Variants in ASH1L observed in about 807,000 individuals in gnomAD.
ASH1L encodes histone-lysine N-methyltransferase ASH1L.
Under a neutral mutation model 269.0 loss-of-function variants are expected in ASH1L, and 23 were observed. The ratio of observed to expected loss-of-function variants is 0.09; its 90% CI spans 0.06 to 0.12. The LOEUF is 0.12. ASH1L is among the 10% of genes least tolerant of loss of function. ASH1L has a pLI of 1.00. For missense variants in ASH1L, 2,912 were observed against 3,567.8 expected (o/e 0.82, Z 4.68); for synonymous variants, 1,187 against 1,253.5 (o/e 0.95, Z 1.12).
intron 1 of ASH1L, among the ~76,000 whole-genome samples, chr1:155,560,074 CA>C (rs1385984663): frequency 2.0e-5 from 3 of 152,162 alleles, no homozygotes; most frequent in Non-Finnish European, 2.9e-5. Flanking sequence ...CTCCTGTCAA[CA>C]TGTTCAAATA....
At chr1:155,474,048 G>A (rs189896924) in intron 3 of ASH1L, among the ~76,000 whole-genome samples, 45 of 152,176 alleles carry the variant, frequency 3.0e-4, no homozygotes, top group Non-Finnish European at 1.0e-4. Flanking sequence ...TGGCCAGGCT[G>A]GTTTCGAACT....
At chr1:155,546,320 G>A (rs1247834414) in intron 1 of ASH1L, among the ~76,000 whole-genome samples, 2 of 150,474 alleles carry the variant, frequency 1.3e-5, no homozygotes, top group African/African-American at 4.9e-5. Flanking sequence ...AACAAAGCGA[G>A]ACTCTGACTC....
intron 4 of ASH1L, among the ~76,000 whole-genome samples, chr1:155,443,859 GTT>G (rs1662787449): frequency 6.6e-6 from 1 of 151,274 alleles, no homozygotes; most frequent in African/African-American, 2.4e-5. Context: ...GGAAATCTGC[GTT>G]GTTTCCAGTT....
chr1:155,403,625 TC>T (rs1659034268), intron 6 of ASH1L, among the ~76,000 whole-genome samples: 1 of 152,160 alleles, frequency 6.6e-6, no homozygotes, highest in African/African-American at 2.4e-5. Context: ...GTATTAACTT[TC>T]TTTTTACTTC....
intron 2 of ASH1L, among the ~76,000 whole-genome samples, chr1:155,496,348 A>C (rs1293348290): frequency 3.9e-5 from 6 of 152,254 alleles, no homozygotes; most frequent in African/African-American, 7.2e-5. Flanking sequence ...TCATTGATCC[A>C]AACATGATTA....
At chr1:155,517,057 A>G (rs1668543255) in intron 2 of ASH1L, among the ~76,000 whole-genome samples, 1 of 152,336 alleles carries the variant, frequency 6.6e-6, no homozygotes, top group Admixed American at 6.5e-5. Context: ...TGTAATTTCT[A>G]TCAAAATCCC....
Position 155,406,272 on chromosome 1 carries a change from T to A in ASH1L, c.6008+9472A>T, listed in dbSNP as rs113227727. On this transcript the variant is annotated intron_variant, in intron 6 of 27. Transcript: ENST00000392403. ...ATCTAGAGTCTGTGAAGATTCCAGTTGCATTTTTTGCAGAAATAGATAAGC... is the reference window on the plus strand; with the variant it reads ...ATCTAGAGTCTGTGAAGATTCCAGTAGCATTTTTTGCAGAAATAGATAAGC... Among the ~76,000 whole-genome samples, 22 of 151,398 alleles carry A rather than the reference T, an allele frequency of 1.5e-4. 1 individual carries two copies. Among genetic ancestry groups the A allele is most frequent in the African/African-American group, 3.9e-4 (16 of 41,278 alleles).
intron 6 of ASH1L, among the ~76,000 whole-genome samples, chr1:155,398,945 C>CT (rs1658597176): frequency 6.6e-6 from 1 of 152,100 alleles, no homozygotes; most frequent in South Asian, 2.1e-4. Flanking sequence ...GTTGCCCAGG[C>CT]TGGTCTTCAA....
intron 19 of ASH1L, among the ~76,000 whole-genome samples, chr1:155,348,609 C>A (rs1265211888): frequency 6.6e-6 from 1 of 152,070 alleles, no homozygotes; most frequent in East Asian, 1.9e-4. Flanking sequence ...TGGCCAGGAG[C>A]CGTGGCTCAC....
chr1:155,537,221 A>T (rs1441552684), intron 1 of ASH1L, among the ~76,000 whole-genome samples: 1 of 152,210 alleles, frequency 6.6e-6, no homozygotes, highest in African/African-American at 2.4e-5. Flanking sequence ...AAGGGATTAA[A>T]TATTACAATG....
intron 3 of ASH1L, among the ~76,000 whole-genome samples, chr1:155,473,858 C>G (rs1478152363): frequency 6.6e-6 from 1 of 151,528 alleles, no homozygotes; most frequent in Non-Finnish European, 1.5e-5. Context: ...TTTTTTGAGA[C>G]AGACTCTCAC....
In ASH1L at chr1:155,479,601, G is replaced by T; in HGVS notation, c.3269C>A (p.Pro1090His). The T allele has an allele frequency of 6.2e-7, 1 of 1,614,178 alleles. No individual in the cohort carries two copies. Among genetic ancestry groups the T allele is most frequent in the Non-Finnish European group, 8.5e-7 (1 of 1,180,034 alleles). ...AAGSALGQIL[P>H]PLLPSSASSS... ...ACTAGCAGATGAAGGCAGTAATGGG[G>T]GAAGAATCTGTCCTAATGCTGACCC... Residue 1090 changes from proline (P) to histidine (H), a missense_variant, in exon 3 of 28, where the codon CCC (proline) becomes CAC (histidine). Pro to His is a moderately conservative substitution (Grantham distance 77). Coordinates refer to ENST00000392403, the MANE Select transcript of ASH1L (RefSeq NM_018489.3).
At chr1:155,473,781 T>G (rs1665306682) in intron 3 of ASH1L, among the ~76,000 whole-genome samples, 1 of 152,160 alleles carries the variant, frequency 6.6e-6, no homozygotes, top group Non-Finnish European at 1.5e-5. Flanking sequence ...ATTACAGGCA[T>G]TAGCCACCAT....
chr1:155,536,513 G>T (rs1356591497), intron 1 of ASH1L, among the ~76,000 whole-genome samples: 1 of 152,114 alleles, frequency 6.6e-6, no homozygotes, highest in Non-Finnish European at 1.5e-5. Flanking sequence ...AAATCTGTCA[G>T]CTTTACCTTC....
chr1:155,506,758 C>A (rs1316643302), intron 2 of ASH1L, among the ~76,000 whole-genome samples: 1 of 151,800 alleles, frequency 6.6e-6, no homozygotes, highest in Non-Finnish European at 1.5e-5. Context: ...ATTTTAAATT[C>A]CAGGACAGGC....
intron 21 of ASH1L, chr1:155,344,506 G>C (rs1363022731): frequency 2.5e-6 from 1 of 404,830 alleles, no homozygotes; most frequent in East Asian, 4.2e-5. Flanking sequence ...TAATTGTGTA[G>C]TTGCTCTACG....
intron 2 of ASH1L, among the ~76,000 whole-genome samples, chr1:155,519,067 T>C (rs955884991): frequency 1.3e-5 from 2 of 152,162 alleles, no homozygotes; most frequent in African/African-American, 2.4e-5. Flanking sequence ...TATGGCAACA[T>C]TCACTGTAGC....
chr1:155,438,775 G>A lies in ASH1L; in HGVS notation c.5380C>T (p.His1794Tyr), dbSNP rs773662870. 1 of 1,614,040 alleles carries A rather than the reference G, an allele frequency of 6.2e-7. No individual in the cohort carries two copies. Among genetic ancestry groups the A allele is most frequent in the African/African-American group, 1.3e-5 (1 of 74,900 alleles). The change falls in exon 5 of 28, where the codon CAT becomes TAT. Residue 1794 changes from histidine to tyrosine, a missense_variant. Physicochemically the swap from His to Tyr is moderately conservative, Grantham distance 83. Coordinates refer to ENST00000392403, the MANE Select transcript of ASH1L (RefSeq NM_018489.3). Reference protein sequence around the residue: ...EKLTSSCSPHHIKRSVVEAMQ... With the variant: ...EKLTSSCSPHYIKRSVVEAMQ... ...GCTTCCACTACACTTCTCTTGATAT[G>A]ATGGGGGGAACAGCTGCTTGTCAAC...
At chr1:155,344,421 T>G in intron 21 of ASH1L, 148 bp from the exon 22 acceptor site, 1 of 593,376 alleles carries the variant, frequency 1.7e-6, no homozygotes, top group Non-Finnish European at 2.9e-6. Context: ...CAACTAGAGC[T>G]GTTAAACCTG....
Sources: allele counts gnomAD v4.1 joint callset (sites outside exome capture counted in the v4.1 genomes callset), GRCh38; gene constraint gnomAD v4.1.1; transcripts MANE v1.5; gene names NCBI Gene and HGNC (gene_info 2026-07-23, HGNC 2026-07-21).